The following CARD10 variants were observed in gnomAD, a reference collection of about 807,000 sequenced individuals.
CARD10 encodes caspase recruitment domain family member 10, also known as caspase recruitment domain-containing protein 10.
Under a neutral mutation model 114.6 loss-of-function variants are expected in CARD10, and 49 were observed. That is an observed-to-expected ratio of 0.43 (90% confidence interval 0.34 to 0.54). CARD10 has a LOEUF of 0.54. Ranked by LOEUF, CARD10 falls within the 20% of genes least tolerant of loss-of-function variation. CARD10 has a pLI of 0.03. For synonymous variants in CARD10, 602 were observed against 593.2 expected (o/e 1.01, Z -0.21); for missense variants, 1,206 against 1,397.2 (o/e 0.86, Z 2.18).
At chr22:37,508,793 T>A in intron 4 of CARD10, 111 bp from the exon 5 acceptor site, 1 of 1,287,824 alleles carries the variant, frequency 7.8e-7, no homozygotes, top group Non-Finnish European at 1.1e-6. Flanking sequence ...TGACCAGCTC[T>A]GCCATGCTGG....
rs1922764226 is a variant in CARD10 at position 37,491,301 on chromosome 22, C to T, written c.2957G>A (p.Trp986Ter). 2 of 1,567,402 alleles carry T rather than the reference C, an allele frequency of 1.3e-6. No individual in the cohort carries two copies. The highest frequency in any genetic ancestry group is 1.7e-4 in the Middle Eastern group (1 of 6,018). Residue 986 changes from tryptophan to a stop codon, truncating the protein, a stop_gained, in exon 20 of 20, where the codon TGG (tryptophan) becomes TAG (stop). Transcript: ENST00000251973. LOFTEE classifies it low-confidence loss of function (END_TRUNC). Reference protein sequence around the residue: ...EQVLWGLPCSWVQVPAHEWGH... With the variant: ...EQVLWGLPCS ...CCACTCATGGGCGGGCACCTGCACC[C>T]AGGAGCAGGGCAGCCCCCAGAGCAC... is the stretch of plus-strand genomic sequence containing the variant.
chr22:37,506,293 C>T lies in CARD10; in HGVS notation c.1282G>A (p.Ala428Thr), dbSNP rs1396288669. 1 of 1,610,784 alleles carries T rather than the reference C, an allele frequency of 6.2e-7. No individual in the cohort carries two copies. The highest frequency in any genetic ancestry group is 8.5e-7 in the Non-Finnish European group (1 of 1,178,604). Residue 428 changes from alanine to threonine, a missense_variant, in exon 7 of 20, where the codon GCG becomes ACG. Physicochemically the swap from Ala to Thr is moderately conservative, Grantham distance 58. Transcript: ENST00000251973. ...QYRKQVRGLE[A>T]ERDELLTTLT... Reference sequence around the variant, plus strand: ...GTTGTCAGCAGCTCATCCCGCTCCGCCTCCAGGCCCCGCACCTGCTTGCGG... The same window carrying T: ...GTTGTCAGCAGCTCATCCCGCTCCGTCTCCAGGCCCCGCACCTGCTTGCGG...
At chr22:37,512,465 C>CCACACACACACACACACA (rs36080549) in intron 3 of CARD10, among the ~76,000 whole-genome samples, 2 of 113,774 alleles carry the variant, frequency 1.8e-5, no homozygotes, top group Admixed American at 9.6e-5. Context: ...AGCCCCCCCT[C>CCACACACACACACACACA]CACACACACA....
intron 11 of CARD10, among the ~76,000 whole-genome samples, chr22:37,500,086 C>A (rs1157631859): frequency 6.6e-6 from 1 of 152,222 alleles, no homozygotes. Context: ...TCTGAGTAGT[C>A]TGCGTGCCTG....
rs762865611 is a variant in CARD10 at position 37,492,711 on chromosome 22, C to A, written c.2568G>T (p.Ala856=). 2 of 1,613,038 alleles carry A rather than the reference C, an allele frequency of 1.2e-6. No homozygotes were observed. The highest frequency in any genetic ancestry group is 8.5e-7 in the Non-Finnish European group (1 of 1,179,926). The stretch of plus-strand genomic sequence containing the variant: ...CTAGCAGGTTACGGATGAGCCGGGG[C>A]GCCAGGCACTCAGGCAACAGCACCA... ...RPVVLLPECL[A]PRLIRNLLDL... is the part of the protein sequence containing the mutation. The change falls in exon 17 of 20, where the codon GCG becomes GCT. Residue 856 remains alanine (A), a synonymous_variant. Transcript: ENST00000251973. This position sits in a 1 kb window ranked among gnomAD's most constrained non-coding sequence, Gnocchi z 5.7.
chr22:37,503,133 G>C (rs1246187794), intron 10 of CARD10, 52 bp downstream of exon 10: 1 of 1,589,548 alleles, frequency 6.3e-7, no homozygotes, highest in Non-Finnish European at 8.6e-7. Flanking sequence ...GGGCTGCAAA[G>C]CCACCTCCCC....
chr22:37,490,785 G>T lies in CARD10; in HGVS notation c.*374C>A. 1 of 212,880 alleles carries T rather than the reference G, an allele frequency of 4.7e-6. No individual in the cohort carries two copies. Among genetic ancestry groups the T allele is most frequent in the Non-Finnish European group, 9.4e-6 (1 of 106,944 alleles). The allele number at this position is 212,880 out of a possible 1,614,324, so 13.2% of individuals were successfully genotyped here. A position where few individuals can be genotyped will look rare whatever the true frequency, so the allele number is the denominator to read the frequency against. ...GTCCTCAGGAGACCTCGTGCCCAGG[G>T]CAGCGGGACAGACCTGAGCCTGCCC... On this transcript the variant is annotated 3_prime_UTR_variant, in exon 20 of 20. Transcript: ENST00000251973.
chr22:37,517,327 G>A (rs1188039851), intron 2 of CARD10, among the ~76,000 whole-genome samples: 1 of 152,142 alleles, frequency 6.6e-6, no homozygotes, highest in Non-Finnish European at 1.5e-5. Context: ...GTGTGTGTAT[G>A]TGTTTGTGTT....
At chr22:37,511,705 C>T (rs577335159) in intron 3 of CARD10, among the ~76,000 whole-genome samples, 1 of 151,924 alleles carries the variant, frequency 6.6e-6, no homozygotes, top group Non-Finnish European at 1.5e-5. Flanking sequence ...TCATCCAGTC[C>T]GGGAACCAGA....
chr22:37,500,847 A>G (rs1245537454), intron 11 of CARD10, among the ~76,000 whole-genome samples: 1 of 152,170 alleles, frequency 6.6e-6, no homozygotes, highest in Non-Finnish European at 1.5e-5. Flanking sequence ...AACCGCGAGC[A>G]TATGCTGACA....
chr22:37,505,062 A>C (rs888020367), intron 7 of CARD10, among the ~76,000 whole-genome samples: 2 of 152,202 alleles, frequency 1.3e-5, no homozygotes, highest in African/African-American at 4.8e-5. Context: ...TGAGAACTCA[A>C]GGGTATAGAG....
At chr22:37,510,936 G>C (rs2092171) in intron 3 of CARD10, among the ~76,000 whole-genome samples, 21,094 of 152,008 alleles carry the variant, frequency 0.14, 1,670 homozygotes, top group African/African-American at 0.22. Context: ...ACAAAAATGA[G>C]CTGGGCGTGG....
At chr22:37,495,709 G>A in intron 14 of CARD10, 51 bp downstream of exon 14, 1 of 1,611,730 alleles carries the variant, frequency 6.2e-7, no homozygotes, top group Non-Finnish European at 8.5e-7. Flanking sequence ...ACCCCCATCT[G>A]AGCCCTGGCT....
rs751526840 is a variant in CARD10, at chr22:37,519,219, T to G, written c.-19A>C. The G allele has an allele frequency of 6.7e-7, 1 of 1,499,082 alleles. No homozygotes were observed. The highest frequency in any genetic ancestry group is 2.5e-5 in the East Asian group (1 of 39,472). The allele number at this position is 1,499,082 out of a possible 1,614,324, so 92.9% of individuals were successfully genotyped here. ...CCGGCATGGCCGTGTCCTCAGGGTC[T>G]GCGGGCAAGAGGCGCACGGGGGTCG... On this transcript the variant is annotated 5_prime_UTR_variant, in exon 1 of 20. Transcript: ENST00000251973. The surrounding 1 kb of genome is among the most constrained non-coding windows in gnomAD (Gnocchi z 4.1).
chr22:37,507,587 G>A (rs181596470), intron 6 of CARD10, among the ~76,000 whole-genome samples: 7 of 152,334 alleles, frequency 4.6e-5, no homozygotes, highest in African/African-American at 9.6e-5. Flanking sequence ...AAGACACCAG[G>A]ACCAGCTTCT....
chr22:37,502,483 G>A (rs1258821967), intron 11 of CARD10, 119 bp downstream of exon 11: 6 of 1,208,498 alleles, frequency 5.0e-6, no homozygotes, highest in East Asian at 4.9e-5. Context: ...AGTGTCTACA[G>A]ATCTTAATCT....
At chr22:37,504,035 C>T in intron 9 of CARD10, 151 bp downstream of exon 9, 1 of 729,722 alleles carries the variant, frequency 1.4e-6, no homozygotes, top group Non-Finnish European at 2.5e-6. Flanking sequence ...ACTCACAGGA[C>T]CTGGGTTTCC....
chr22:37,491,755 C>CAGGAA lies in CARD10; in HGVS notation c.2863_2864insTTCCT (p.Arg955IlefsTer111). The CAGGAA allele has an allele frequency of 6.4e-7, 1 of 1,552,398 alleles. No homozygotes were observed. The highest frequency in any genetic ancestry group is 8.9e-7 in the Non-Finnish European group (1 of 1,128,764). On this transcript the variant is annotated frameshift_variant and splice_region_variant, in exon 19 of 20. Transcript: ENST00000251973. LOFTEE classifies it high-confidence loss of function. ...CCACTGCCCCACCCACCCACCTCAC[C>CAGGAA]TGACTTCCCGGACATTCTTCTCAGT...
chr22:37,519,404 C>A lies in CARD10; in HGVS notation c.-204G>T, dbSNP rs1313274825. On this transcript the variant is annotated 5_prime_UTR_variant, in exon 1 of 20. Transcript: ENST00000251973. This position sits in a 1 kb window ranked among gnomAD's most constrained non-coding sequence, Gnocchi z 4.1. Reference sequence around the variant, plus strand: ...CACTCGGGCGGCGGCTCCGCCGGCGCAGGGGGGCGGTGCCCGTGGCGCCCC... The same window carrying A: ...CACTCGGGCGGCGGCTCCGCCGGCGAAGGGGGGCGGTGCCCGTGGCGCCCC... 1 of 1,189,348 alleles carries A rather than the reference C, an allele frequency of 8.4e-7. No homozygotes were observed. The highest frequency in any genetic ancestry group is 1.0e-6 in the Non-Finnish European group (1 of 960,920). 73.7% of individuals were successfully genotyped at this position (1,189,348 alleles called of 1,614,324 possible).
Sources: gnomAD v4.1 joint callset for allele counts (sites outside exome capture counted in the v4.1 genomes callset) on GRCh38, gnomAD v4.1.1 for gene constraint, Gnocchi (gnomAD v3.1) non-coding constraint, MANE v1.5 for transcripts, NCBI Gene and HGNC (gene_info 2026-07-23, HGNC 2026-07-21) for gene names.